The following CNNM2 variants were observed in gnomAD, a reference collection of about 807,000 sequenced individuals.
CNNM2 encodes metal transporter CNNM2.
A neutral mutation model predicts 66.9 loss-of-function variants in CNNM2; 12 were observed. The observed-to-expected ratio is 0.18, with a 90% CI of 0.11 to 0.29. The LOEUF (loss-of-function observed/expected upper bound fraction) is 0.29, where lower values mean the gene tolerates loss of function less well. Ranked by LOEUF, CNNM2 falls within the 10% of genes least tolerant of loss-of-function variation. The probability of loss-of-function intolerance (pLI) is 1.00; values close to 1 mark genes in which losing one functional copy is unlikely to be tolerated. For synonymous variants in CNNM2, 557 were observed against 501.8 expected (o/e 1.11, Z -1.47); for missense variants, 705 against 1,167.7 (o/e 0.60, Z 5.77).
At chr10:103,056,666 A>G in intron 3 of CNNM2, 129 bp from the exon 4 acceptor site, 2 of 848,258 alleles carry the variant, frequency 2.4e-6, no homozygotes, top group Middle Eastern at 3.2e-4. Flanking sequence ...ACCAAACGGA[A>G]GCCTCGTCCA....
chr10:103,023,463 G>A (rs528234232), intron 1 of CNNM2, among the ~76,000 whole-genome samples: 4 of 152,236 alleles, frequency 2.6e-5, no homozygotes, highest in Admixed American at 2.0e-4. Flanking sequence ...CAGGAGAATC[G>A]CTTGAACCTG....
At chr10:103,017,819 C>T (rs1228023836) in intron 1 of CNNM2, among the ~76,000 whole-genome samples, 3 of 151,938 alleles carry the variant, frequency 2.0e-5, no homozygotes, top group Non-Finnish European at 4.4e-5. Flanking sequence ...TACAGATTAG[C>T]TGGGCATGGT....
intron 4 of CNNM2, among the ~76,000 whole-genome samples, chr10:103,063,585 A>G (rs1000893957): frequency 3.9e-5 from 6 of 152,178 alleles, no homozygotes; most frequent in Non-Finnish European, 1.5e-5. Flanking sequence ...GGTTGTGGAC[A>G]CTTAGAAACT....
intron 1 of CNNM2, among the ~76,000 whole-genome samples, chr10:102,955,663 T>TA (rs1160242950): frequency 2.0e-5 from 3 of 151,880 alleles, no homozygotes; most frequent in African/African-American, 7.3e-5. Context: ...ACAAAGAACT[T>TA]AAACAAATTT....
intron 1 of CNNM2, among the ~76,000 whole-genome samples, chr10:103,000,168 G>A (rs1250056741): frequency 6.6e-6 from 1 of 151,952 alleles, no homozygotes; most frequent in Non-Finnish European, 1.5e-5. Flanking sequence ...CCTGGGGAGT[G>A]GAGGTTGCAG....
At chr10:103,052,515 TTTC>T (rs2065232547) in intron 2 of CNNM2, among the ~76,000 whole-genome samples, 1 of 129,504 alleles carries the variant, frequency 7.7e-6, no homozygotes, top group African/African-American at 2.8e-5. Flanking sequence ...TTCAGGTTTT[TTTC>T]TTTTTTTTTT....
chr10:102,947,785 C>T (rs541275496), intron 1 of CNNM2, among the ~76,000 whole-genome samples: 1 of 152,178 alleles, frequency 6.6e-6, no homozygotes, highest in Non-Finnish European at 1.5e-5. Context: ...GGCGCGGTGG[C>T]TCATGCCTGT....
chr10:102,918,349 T>A lies in CNNM2; in HGVS notation c.-132T>A. ...GGTTCCTCAGCTGGCTGAGGTGGAG[T>A]CAGTGTCAGTCAGGGAGGCGAACTG... On this transcript the variant is annotated 5_prime_UTR_variant, in exon 1 of 8. Coordinates refer to ENST00000369878, the MANE Select transcript of CNNM2 (RefSeq NM_017649.5). This position sits in a 1 kb window ranked among gnomAD's most constrained non-coding sequence, Gnocchi z 4.1. 7.0e-7 allele frequency: 1 copy of A among 1,423,122 alleles called. No individual in the cohort carries two copies. The highest frequency in any genetic ancestry group is 9.3e-7 in the Non-Finnish European group (1 of 1,075,958). 88.2% of individuals were successfully genotyped at this position (1,423,122 alleles called of 1,614,324 possible). A position where few individuals can be genotyped will look rare whatever the true frequency, so the allele number is the denominator to read the frequency against.
At chr10:102,979,920 A>T (rs962580686) in intron 1 of CNNM2, among the ~76,000 whole-genome samples, 3 of 146,984 alleles carry the variant, frequency 2.0e-5, no homozygotes, top group South Asian at 2.1e-4. Context: ...TTTTCTTTTT[A>T]TTTTTTTTTT....
chr10:103,068,345 C>T, intron 4 of CNNM2: 1 of 318,980 alleles, frequency 3.1e-6, no homozygotes, highest in East Asian at 6.3e-5. Flanking sequence ...GGAGATCTAT[C>T]TCTACAAAGA....
At chr10:103,006,787 C>T (rs2064237384) in intron 1 of CNNM2, among the ~76,000 whole-genome samples, 1 of 152,110 alleles carries the variant, frequency 6.6e-6, no homozygotes, top group African/African-American at 2.4e-5. Context: ...CCATCATACC[C>T]AGATAATTTT....
At chr10:102,930,305 A>G (rs1846021610) in intron 1 of CNNM2, among the ~76,000 whole-genome samples, 2 of 152,224 alleles carry the variant, frequency 1.3e-5, no homozygotes, top group African/African-American at 2.4e-5. Context: ...ATACACTGGA[A>G]GGTAACGTGG....
At chr10:103,043,816 A>G (rs2065083175) in intron 1 of CNNM2, among the ~76,000 whole-genome samples, 2 of 152,166 alleles carry the variant, frequency 1.3e-5, no homozygotes, top group African/African-American at 2.4e-5. Context: ...CTTGCTTAGG[A>G]TTCTGAATTT....
At chr10:103,021,173 G>A (rs929833840) in intron 1 of CNNM2, among the ~76,000 whole-genome samples, 2 of 152,068 alleles carry the variant, frequency 1.3e-5, no homozygotes, top group African/African-American at 2.4e-5. Context: ...GTGAGCCCCC[G>A]TGATTGTCCC....
chr10:103,051,276 C>A (rs1323637781), intron 2 of CNNM2, among the ~76,000 whole-genome samples: 1 of 151,844 alleles, frequency 6.6e-6, no homozygotes, highest in Non-Finnish European at 1.5e-5. Context: ...ACTAAAAATA[C>A]AAAAATTAGC....
In CNNM2 at chr10:103,087,140, A is replaced by ATTTTTTGTTTTTT. The variant is rs2065827758; in HGVS notation, c.*9966_*9967insGTTTTTTTTTTTT. 1 of 75,374 alleles carries ATTTTTTGTTTTTT rather than the reference A, an allele frequency of 1.3e-5. No homozygotes were observed. The highest frequency in any genetic ancestry group is 2.3e-5 in the Non-Finnish European group (1 of 42,740). The allele number at this position is 75,374 out of a possible 1,614,324, so 4.7% of individuals were successfully genotyped here. The stretch of plus-strand genomic sequence containing the variant: ...TTCTCACGGTATAAAACTCCGCAGG[A>ATTTTTTGTTTTTT]TTTTTTTTTTTTTTTTTTTTTTTTT... On this transcript the variant is annotated 3_prime_UTR_variant, in exon 8 of 8. Transcript: ENST00000369878.
chr10:103,051,958 A>G (rs2065220575), intron 2 of CNNM2, among the ~76,000 whole-genome samples: 1 of 151,896 alleles, frequency 6.6e-6, no homozygotes, highest in Admixed American at 6.6e-5. Context: ...CGTTCTTTTC[A>G]TCCTTCCTCA....
At chr10:103,044,952 C>T (rs748421238) in intron 1 of CNNM2, among the ~76,000 whole-genome samples, 1 of 152,296 alleles carries the variant, frequency 6.6e-6, no homozygotes, top group Non-Finnish European at 1.5e-5. Flanking sequence ...TGCATTTAAA[C>T]GAGTTGCTCC....
chr10:103,013,143 A>G (rs1394121299), intron 1 of CNNM2, among the ~76,000 whole-genome samples: 1 of 152,154 alleles, frequency 6.6e-6, no homozygotes, highest in African/African-American at 2.4e-5. Flanking sequence ...TTGATATTTA[A>G]TATTTATAAA....
Sources: allele counts gnomAD v4.1 joint callset (sites outside exome capture counted in the v4.1 genomes callset), GRCh38; gene constraint gnomAD v4.1.1; non-coding constraint Gnocchi (gnomAD v3.1); transcripts MANE v1.5; gene names NCBI Gene and HGNC (gene_info 2026-07-23, HGNC 2026-07-21).